ARMCX4: variants seen among roughly 807,000 people sequenced by gnomAD.
The protein encoded by ARMCX4 is armadillo repeat-containing X-linked protein 4.
ARMCX4 carries 3 observed loss-of-function variants against 34.7 expected under a neutral mutation model. That is an observed-to-expected ratio of 0.09 (90% confidence interval 0.04 to 0.22). The LOEUF is 0.22. Among genes scored for constraint, ARMCX4 ranks in the 10% least tolerant of loss-of-function variants. The pLI is 1.00. For synonymous variants in ARMCX4, 513 were observed against 632.8 expected (o/e 0.81, Z 2.84); for missense variants, 1,448 against 1,720.8 (o/e 0.84, Z 2.81).
At chrX:101,466,899 C>T (rs781899292) in intron 4 of ARMCX4, among the ~76,000 whole-genome samples, 1 of 111,829 alleles carries the variant, frequency 8.9e-6, no homozygotes, top group South Asian at 3.7e-4. Flanking sequence ...TAAAGTGATC[C>T]CTTTTGCTAA....
At chrX:101,506,020 T>C (rs1045323155) in intron 8 of ARMCX4, among the ~76,000 whole-genome samples, 1 of 111,545 alleles carries the variant, frequency 9.0e-6, no homozygotes, top group Non-Finnish European at 1.9e-5. Flanking sequence ...TTTTTGTATT[T>C]TTCATAGAGA....
rs782224586 is a variant in ARMCX4, at chrX:101,489,621, C to A, written c.1032C>A (p.Thr344=). The change falls in exon 6 of 6, where the codon ACC becomes ACA. Residue 344 remains threonine (T), a synonymous_variant. Coordinates refer to ENST00000423738, the MANE Select transcript of ARMCX4 (RefSeq NM_001256155.3). ...PGAKIDAGGN[T]NAMCKVGAGA... ...CAAAGATTGATGCCGGGGGTAACAC[C>A]AATGCCATGTGTAAGGTGGGGGCAG... The A allele has an allele frequency of 9.5e-6, 11 of 1,154,642 alleles. No individual in the cohort carries two copies. The highest frequency in any genetic ancestry group is 5.7e-5 in the South Asian group (3 of 52,522).
rs193070261 is a variant in ARMCX4 at position 101,423,060 on chromosome X, C to A, written n.164+4060C>A. Reference sequence around the variant, plus strand: ...GAGTAGCTGGGATTACAGGCGCCCACCACCATGCCCAGCTAATCTTTGTAT... The same window carrying A: ...GAGTAGCTGGGATTACAGGCGCCCAACACCATGCCCAGCTAATCTTTGTAT... On this transcript the variant is annotated intron_variant and non_coding_transcript_variant, in intron 2 of 3. Transcript: ENST00000430461. Among the ~76,000 whole-genome samples the A allele has an allele frequency of 5.9e-3, 646 of 109,033 alleles. 13 individuals are homozygous for A. Among genetic ancestry groups the A allele is most frequent in the African/African-American group, 0.02 (615 of 30,080 alleles). 94.7% of individuals were successfully genotyped at this position (109,033 alleles called of 115,157 possible).
chrX:101,530,519 T>TA (rs1172250981), intron 11 of ARMCX4, among the ~76,000 whole-genome samples: 1 of 110,792 alleles, frequency 9.0e-6, no homozygotes, highest in Non-Finnish European at 1.9e-5. Flanking sequence ...AAGTGGTATA[T>TA]AAAAAAAAGA....
chrX:101,488,786 A>C lies in ARMCX4; in HGVS notation c.197A>C (p.Lys66Thr), dbSNP rs1308910368. 1 of 1,156,451 alleles carries C rather than the reference A, an allele frequency of 8.6e-7. No individual in the cohort carries two copies. The highest frequency in any genetic ancestry group is 1.1e-6 in the Non-Finnish European group (1 of 873,096). ...TTGGCCATAAATGAAGCAGAGATTAAGACTAAACCCCAAGTCGAGATTGGA... is the reference window on the plus strand; with the variant it reads ...TTGGCCATAAATGAAGCAGAGATTACGACTAAACCCCAAGTCGAGATTGGA... ...QTLAINEAEIKTKPQVEIGAE... is the reference protein window; with the variant it reads ...QTLAINEAEITTKPQVEIGAE... The change falls in exon 6 of 6, where the codon AAG becomes ACG. Residue 66 changes from lysine to threonine, a missense_variant. Lys to Thr is a moderately conservative substitution (Grantham distance 78). This residue lies in a region of ARMCX4 where 1,343 missense variants were observed against 1,540.7 expected (regional missense o/e 0.87). Coordinates refer to ENST00000423738, the MANE Select transcript of ARMCX4 (RefSeq NM_001256155.3).
chrX:101,439,510 T>G (rs1244583284), intron 2 of ARMCX4, among the ~76,000 whole-genome samples: 3 of 111,711 alleles, frequency 2.7e-5, no homozygotes, highest in African/African-American at 9.8e-5. Context: ...TTTCCTGAAT[T>G]TGAATGTTGG....
chrX:101,534,371 T>A (rs1040209721), downstream of ARMCX4, among the ~76,000 whole-genome samples: 1 of 111,220 alleles, frequency 9.0e-6, no homozygotes. Context: ...TAGGGGACTA[T>A]AACAAAATAA....
At chrX:101,508,061 C>T (rs1934496272) in intron 8 of ARMCX4, among the ~76,000 whole-genome samples, 1 of 112,270 alleles carries the variant, frequency 8.9e-6, no homozygotes, top group Non-Finnish European at 1.9e-5. Flanking sequence ...AGTACAGTAA[C>T]ACGCTGTTCA....
Position 101,488,541 on chromosome X carries a change from C to G in ARMCX4, c.-49C>G. 8.7e-7 allele frequency: 1 copy of G among 1,155,546 alleles called. No homozygotes were observed. The highest frequency in any genetic ancestry group is 1.1e-6 in the Non-Finnish European group (1 of 872,796). On this transcript the variant is annotated 5_prime_UTR_variant, in exon 6 of 6. Transcript: ENST00000423738. ...AACTACCACTCTCTTTACCCCAGCC[C>G]GAGTGCGCTCTACCATACCTTGTTC...
At chrX:101,438,338 G>T (rs1250002829) in intron 2 of ARMCX4, among the ~76,000 whole-genome samples, 5 of 111,885 alleles carry the variant, frequency 4.5e-5, no homozygotes, top group African/African-American at 1.6e-4. Context: ...GCTGAAGTGG[G>T]CGGATCACGA....
chrX:101,433,889 T>G (rs1930488859), intron 2 of ARMCX4, among the ~76,000 whole-genome samples: 2 of 111,484 alleles, frequency 1.8e-5, no homozygotes, highest in Admixed American at 1.9e-4. Context: ...ACATTTTGCC[T>G]TAGAACATTC....
downstream of ARMCX4, among the ~76,000 whole-genome samples, chrX:101,500,190 G>A (rs936570413): frequency 9.0e-6 from 1 of 111,349 alleles, no homozygotes; most frequent in South Asian, 3.8e-4. Flanking sequence ...AAGTATTAAG[G>A]GGGATCCTGG....
At chrX:101,438,900 C>G (rs1208439987) in intron 2 of ARMCX4, among the ~76,000 whole-genome samples, 4 of 111,624 alleles carry the variant, frequency 3.6e-5, no homozygotes, top group African/African-American at 1.3e-4. Flanking sequence ...ATACAGCACA[C>G]TAATGGGTCT....
At chrX:101,503,664 T>A (rs1259592105) in intron 7 of ARMCX4, among the ~76,000 whole-genome samples, 2 of 112,008 alleles carry the variant, frequency 1.8e-5, no homozygotes, top group East Asian at 5.6e-4. Flanking sequence ...TTATTTGAGT[T>A]CATTGTAGAT....
chrX:101,434,612 T>A (rs941244299), intron 2 of ARMCX4, among the ~76,000 whole-genome samples: 4 of 111,266 alleles, frequency 3.6e-5, no homozygotes, highest in Non-Finnish European at 5.7e-5. Context: ...CATTTTTTTT[T>A]ATTCTATTCA....
At chrX:101,528,825 G>C (rs1423630612) in intron 11 of ARMCX4, among the ~76,000 whole-genome samples, 2 of 110,508 alleles carry the variant, frequency 1.8e-5, no homozygotes, top group African/African-American at 3.3e-5. Context: ...TGCTCAACGA[G>C]ATAAAAAAGG....
At chrX:101,447,325 C>T (rs1329825630), downstream of ARMCX4, among the ~76,000 whole-genome samples, 1 of 112,412 alleles carries the variant, frequency 8.9e-6, no homozygotes, top group Non-Finnish European at 1.9e-5. Context: ...TTTTAAATCA[C>T]CACAGTCCCC....
intron 2 of ARMCX4, among the ~76,000 whole-genome samples, chrX:101,425,130 G>A (rs1555990705): frequency 2.7e-5 from 3 of 111,756 alleles, no homozygotes; most frequent in Non-Finnish European, 3.8e-5. Flanking sequence ...CTGGGAAACA[G>A]CAGCCAGGGA....
downstream of ARMCX4, among the ~76,000 whole-genome samples, chrX:101,449,482 T>C (rs1032883696): frequency 8.9e-6 from 1 of 112,321 alleles, no homozygotes; most frequent in African/African-American, 3.2e-5. Flanking sequence ...TCATCCATTC[T>C]GCTATTAAGG....
Sources: allele counts gnomAD v4.1 joint callset (sites outside exome capture counted in the v4.1 genomes callset), GRCh38; gene constraint gnomAD v4.1.1; regional missense constraint gnomAD v4.1.1; transcripts MANE v1.5; gene names NCBI Gene and HGNC (gene_info 2026-07-23, HGNC 2026-07-21).